The following PLA2G4E variants were observed in gnomAD, a reference collection of about 807,000 sequenced individuals.
PLA2G4E encodes the protein cytosolic phospholipase A2 epsilon.
PLA2G4E carries 84 observed loss-of-function variants against 109.1 expected under a neutral mutation model. That is an observed-to-expected ratio of 0.77 (90% CI 0.65 to 0.92). The LOEUF (loss-of-function observed/expected upper bound fraction) is 0.92. Ranked by LOEUF, PLA2G4E falls within the 40% of genes least tolerant of loss-of-function variation. PLA2G4E has a pLI of 0.00. For synonymous variants in PLA2G4E, 469 were observed against 436.1 expected (o/e 1.08, Z -0.94); for missense variants, 1,057 against 1,076.6 (o/e 0.98, Z 0.25).
chr15:42,041,480 C>T lies in PLA2G4E; in HGVS notation c.183+9041G>A, dbSNP rs148742726. ...ATCCATAAATTTACATAGGAGCAGACGAGCCTCCTGGGGTTGGGGAAAGAG... is the reference window on the plus strand; with the variant it reads ...ATCCATAAATTTACATAGGAGCAGATGAGCCTCCTGGGGTTGGGGAAAGAG... On this transcript the variant is annotated intron_variant, in intron 1 of 19. Transcript: ENST00000399518. 2.6e-5 allele frequency among the ~76,000 whole-genome samples: 4 copies of T among 152,208 alleles called. No homozygotes were observed. In the East Asian group the frequency reaches 5.8e-4, roughly 22 times the overall value.
chr15:41,999,651 G>A, intron 9 of PLA2G4E, 90 bp from the exon 10 acceptor site: 1 of 1,430,714 alleles, frequency 7.0e-7, no homozygotes, highest in Non-Finnish European at 9.6e-7. Flanking sequence ...ACCCCACTCA[G>A]CACACACGTG....
chr15:42,027,369 C>T lies in PLA2G4E; in HGVS notation c.184-13612G>A, dbSNP rs183000107. On this transcript the variant is annotated intron_variant, in intron 1 of 19. Transcript: ENST00000399518. ...ATCAATCAAGAAAGCTGGAAGGGGC[C>T]CCCCAGGGACCAGTGAGGATATTGG... Among the ~76,000 whole-genome samples, 356 of 152,190 alleles carry T rather than the reference C, an allele frequency of 2.3e-3. 2 individuals are homozygous for T. Among genetic ancestry groups the T allele is most frequent in the African/African-American group, 8.4e-3 (347 of 41,506 alleles).
chr15:42,045,757 A>G (rs1187775680), intron 1 of PLA2G4E, among the ~76,000 whole-genome samples: 1 of 152,148 alleles, frequency 6.6e-6, no homozygotes, highest in African/African-American at 2.4e-5. Context: ...TTTATCCTTT[A>G]GAGATGTCAT....
At position 42,032,732 on chromosome 15, in the gene PLA2G4E, G is replaced by C. The variant is rs571804492; in HGVS notation, c.183+17789C>G. Among the ~76,000 whole-genome samples, 4 of 152,218 alleles carry C rather than the reference G, an allele frequency of 2.6e-5. No homozygotes were observed. The South Asian group carries it at 8.3e-4, about 32-fold the overall frequency. On this transcript the variant is annotated intron_variant, in intron 1 of 19. Coordinates refer to ENST00000399518, the Ensembl canonical transcript of PLA2G4E. Reference sequence around the variant, plus strand: ...CCTGGTGAGGCTATGCCATGCTTGGGCACAGAGAAGAGAATAAGGTGAGAG... The same window carrying C: ...CCTGGTGAGGCTATGCCATGCTTGGCCACAGAGAAGAGAATAAGGTGAGAG...
chr15:42,025,055 G>T (rs1387357378), intron 1 of PLA2G4E, among the ~76,000 whole-genome samples: 1 of 151,992 alleles, frequency 6.6e-6, no homozygotes, highest in Non-Finnish European at 1.5e-5. Context: ...AATTAGCCGG[G>T]CATGGTCGCG....
intron 2 of PLA2G4E, among the ~76,000 whole-genome samples, chr15:42,008,694 T>A (rs1240608279): frequency 6.6e-6 from 1 of 152,188 alleles, no homozygotes; most frequent in Non-Finnish European, 1.5e-5. Flanking sequence ...ACTGGCTCCC[T>A]GCTCTAGTCT....
rs145218485 is a variant in PLA2G4E, at chr15:42,046,154, T to G, written c.183+4367A>C. On this transcript the variant is annotated intron_variant, in intron 1 of 19. Transcript: ENST00000399518. ...CCATTTCTCTCTGGACCACAGCAAATGCCTTCTCACTTGGCCCGCACTTCC... is the reference window on the plus strand; with the variant it reads ...CCATTTCTCTCTGGACCACAGCAAAGGCCTTCTCACTTGGCCCGCACTTCC... Among the ~76,000 whole-genome samples, 10 of 152,292 alleles carry G rather than the reference T, an allele frequency of 6.6e-5. No homozygotes were observed. The East Asian group carries it at 1.9e-3, about 29-fold the overall frequency.
intron 15 of PLA2G4E, among the ~76,000 whole-genome samples, chr15:41,989,143 C>T (rs1668578): frequency 0.37 from 56,705 of 151,940 alleles, 12,361 homozygotes; most frequent in African/African-American, 0.6. Flanking sequence ...CACTGCTGGC[C>T]GAAGCTAGAC....
Position 41,983,737 on chromosome 15 carries a change from G to C in PLA2G4E, c.*17C>G, listed in dbSNP as rs757491207. On this transcript the variant is annotated 3_prime_UTR_variant, in exon 20 of 20. Transcript: ENST00000399518. Reference sequence around the variant, plus strand: ...GATGGTAGAAGCTGACACAGAACAGGGGAGGCTCCCTGGGGCCTAGGAGGG... The same window carrying C: ...GATGGTAGAAGCTGACACAGAACAGCGGAGGCTCCCTGGGGCCTAGGAGGG... The C allele has an allele frequency of 1.3e-5, 21 of 1,561,422 alleles. No individual in the cohort carries two copies. In the South Asian group the frequency reaches 2.3e-4, roughly 17 times the overall value.
intron 1 of PLA2G4E, among the ~76,000 whole-genome samples, chr15:42,017,199 TCTC>T (rs2068603619): frequency 6.6e-6 from 1 of 152,102 alleles, no homozygotes; most frequent in African/African-American, 2.4e-5. Flanking sequence ...TCACAATCCT[TCTC>T]CTGCCTCCAG....
chr15:42,000,827 G>A (rs968418415), intron 7 of PLA2G4E, among the ~76,000 whole-genome samples: 1 of 152,264 alleles, frequency 6.6e-6, no homozygotes, highest in Non-Finnish European at 1.5e-5. Flanking sequence ...CCTGGGCTTC[G>A]GGTGCTGACC....
At chr15:42,018,201 A>C (rs778790611) in intron 1 of PLA2G4E, among the ~76,000 whole-genome samples, 1 of 152,238 alleles carries the variant, frequency 6.6e-6, no homozygotes, top group Non-Finnish European at 1.5e-5. Flanking sequence ...GAGATGAGCA[A>C]AAATTCATGG....
intron 1 of PLA2G4E, among the ~76,000 whole-genome samples, chr15:42,020,620 CT>C (rs34512092): frequency 0.15 from 23,104 of 152,254 alleles, 2,019 homozygotes; most frequent in Middle Eastern, 0.22. Flanking sequence ...GTGGATCCCC[CT>C]GGCATACTCT....
chr15:42,018,949 G>C (rs2068622126), intron 1 of PLA2G4E, among the ~76,000 whole-genome samples: 1 of 152,022 alleles, frequency 6.6e-6, no homozygotes, highest in Non-Finnish European at 1.5e-5. Flanking sequence ...CTCTGCTCTG[G>C]CAGGCCCAGC....
intron 5 of PLA2G4E, among the ~76,000 whole-genome samples, chr15:42,004,360 G>A (rs1347342487): frequency 1.3e-5 from 2 of 150,228 alleles, no homozygotes; most frequent in African/African-American, 4.9e-5. Flanking sequence ...GAGAGGGAGA[G>A]AGGGAGAAAG....
At chr15:42,032,543 G>C (rs1443973678) in intron 1 of PLA2G4E, among the ~76,000 whole-genome samples, 1 of 152,240 alleles carries the variant, frequency 6.6e-6, no homozygotes, top group African/African-American at 2.4e-5. Flanking sequence ...TTTGCATTTA[G>C]GAAGGCAGTG....
chr15:41,984,789 C>T (rs143103404), intron 18 of PLA2G4E, among the ~76,000 whole-genome samples, 170 bp from the exon 19 acceptor site: 2 of 152,184 alleles, frequency 1.3e-5, no homozygotes, highest in African/African-American at 4.8e-5. Flanking sequence ...ACAAAAGGCC[C>T]GAGGCAGTAG....
At chr15:42,040,076 T>C (rs1668592) in intron 1 of PLA2G4E, among the ~76,000 whole-genome samples, 102,429 of 152,088 alleles carry the variant, frequency 0.67, 36,057 homozygotes, top group African/African-American at 0.87. Flanking sequence ...GTGGCTTCTG[T>C]CTGTAATCCC....
chr15:42,013,882 G>GTTTT (rs10539531), intron 1 of PLA2G4E, 125 bp from the exon 2 acceptor site: 84 of 134,264 alleles, frequency 6.3e-4, no homozygotes, highest in African/African-American at 1.3e-3. Flanking sequence ...CCCTAGGCTG[G>GTTTT]TTTTTTTTTT....
Sources: allele counts gnomAD v4.1 joint callset (sites outside exome capture counted in the v4.1 genomes callset), GRCh38; gene constraint gnomAD v4.1.1; transcripts MANE v1.5; gene names NCBI Gene and HGNC (gene_info 2026-07-23, HGNC 2026-07-21).